Variants in TNS1 observed in about 807,000 individuals in gnomAD.
TNS1 encodes tensin-1.
TNS1 carries 62 observed loss-of-function variants against 168.6 expected under a neutral mutation model. The ratio of observed to expected loss-of-function variants is 0.37; its 90% CI spans 0.30 to 0.45. The LOEUF (loss-of-function observed/expected upper bound fraction) is 0.45, where lower values mean the gene tolerates loss of function less well. Among genes scored for constraint, TNS1 ranks in the 20% least tolerant of loss-of-function variants. The pLI, the probability that TNS1 is intolerant of heterozygous loss-of-function variation, is 1.00. For synonymous variants in TNS1, 934 were observed against 933.2 expected (o/e 1.00, Z -0.02); for missense variants, 2,240 against 2,339.4 (o/e 0.96, Z 0.88).
intron 1 of TNS1, among the ~76,000 whole-genome samples, chr2:218,029,053 G>A (rs1386637655): frequency 2.0e-5 from 3 of 152,316 alleles, no homozygotes; most frequent in African/African-American, 7.2e-5. Flanking sequence ...CAAACAAATA[G>A]AGGGTGCAGC....
At position 217,818,183 on chromosome 2, in the gene TNS1, G is replaced by A; in HGVS notation, c.4149C>T (p.His1383=). ...SPSLGRHPGA[H]QGNLASGLHS... ...GAAGACCGGAGGCCAGGTTGCCTTG[G>A]TGAGCCCCAGGGTGCCGGCCCAGGC... Residue 1383 remains histidine (H), a synonymous_variant, in exon 24 of 33, where the codon CAC becomes CAT. Transcript: ENST00000682258. 1 of 1,613,704 alleles carries A rather than the reference G, an allele frequency of 6.2e-7. No individual in the cohort carries two copies. Among genetic ancestry groups the A allele is most frequent in the Non-Finnish European group, 8.5e-7 (1 of 1,179,886 alleles).
intron 3 of TNS1, among the ~76,000 whole-genome samples, chr2:217,963,826 C>A (rs1957557140): frequency 6.7e-6 from 1 of 149,406 alleles, no homozygotes; most frequent in African/African-American, 2.5e-5. Flanking sequence ...GGAAGATTGC[C>A]TGAGCTCAGG....
chr2:217,836,782 G>A (rs555561975), intron 19 of TNS1, among the ~76,000 whole-genome samples: 22 of 152,236 alleles, frequency 1.4e-4, no homozygotes, highest in South Asian at 4.2e-4. Context: ...CCGGTGTACC[G>A]CTGAACCTCT....
intron 32 of TNS1, among the ~76,000 whole-genome samples, chr2:217,806,238 T>C (rs1574529969): frequency 6.6e-6 from 1 of 152,254 alleles, no homozygotes; most frequent in East Asian, 1.9e-4. Flanking sequence ...AGTCCTGTCA[T>C]CTGCCACAAG....
intron 1 of TNS1, among the ~76,000 whole-genome samples, chr2:218,001,308 A>G (rs1958559224): frequency 6.6e-6 from 1 of 152,110 alleles, no homozygotes; most frequent in African/African-American, 2.4e-5. Context: ...AATTGGATAC[A>G]AAATTTCATC....
chr2:217,940,891 C>G (rs1020359775), intron 3 of TNS1, among the ~76,000 whole-genome samples: 6 of 152,098 alleles, frequency 3.9e-5, no homozygotes, highest in African/African-American at 1.4e-4. Context: ...TTGGCCCCAG[C>G]CCTCTCTGGT....
At chr2:218,021,634 C>T (rs1325040586) in intron 1 of TNS1, among the ~76,000 whole-genome samples, 4 of 152,222 alleles carry the variant, frequency 2.6e-5, no homozygotes, top group Admixed American at 6.5e-5. Flanking sequence ...TCTCTGCCCA[C>T]GTGTTGCCCA....
At chr2:217,946,965 T>TCACACACACA (rs1434475994) in intron 3 of TNS1, among the ~76,000 whole-genome samples, 2 of 130,576 alleles carry the variant, frequency 1.5e-5, no homozygotes, top group African/African-American at 7.5e-5. Context: ...TCTCTCTCTC[T>TCACACACACA]CTCTCACACA....
At chr2:218,003,196 C>A (rs1574477395), upstream of TNS1, among the ~76,000 whole-genome samples, 1 of 150,790 alleles carries the variant, frequency 6.6e-6, no homozygotes, top group Admixed American at 6.6e-5. Context: ...CCCCCCCAGG[C>A]CGTGCCCCCC....
At chr2:217,885,671 G>A in intron 15 of TNS1, 73 bp downstream of exon 15, 1 of 1,492,116 alleles carries the variant, frequency 6.7e-7, no homozygotes, top group Non-Finnish European at 9.3e-7. Flanking sequence ...GTCCCAAGAG[G>A]CAGGAAAGGA....
In TNS1 at chr2:217,890,921, G is replaced by T. The variant is rs188389955; in HGVS notation, c.866+41C>A. 5 of 1,592,318 alleles carry T rather than the reference G, an allele frequency of 3.1e-6. No individual in the cohort carries two copies. The African/African-American group carries it at 5.4e-5, about 17-fold the overall frequency. On this transcript the variant is annotated intron_variant, in intron 12 of 32. Coordinates refer to ENST00000682258, the MANE Select transcript of TNS1 (RefSeq NM_001387777.1). ...AGTCTAGTCCCCACATAGAGTGAGT[G>T]CACACATACATGCAAGGGGCTGTGA...
intron 24 of TNS1, among the ~76,000 whole-genome samples, chr2:217,816,348 C>A (rs1243515202): frequency 6.6e-6 from 1 of 152,204 alleles, no homozygotes; most frequent in Non-Finnish European, 1.5e-5. Flanking sequence ...ATGAAAGACA[C>A]TGCAAAGTTA....
At chr2:217,873,143 A>T (rs1949915342) in intron 18 of TNS1, among the ~76,000 whole-genome samples, 1 of 152,176 alleles carries the variant, frequency 6.6e-6, no homozygotes, top group Non-Finnish European at 1.5e-5. Flanking sequence ...ACTAAAACCC[A>T]TTGAATTGTA....
Position 217,847,456 on chromosome 2 carries a change from C to T in TNS1, c.3007+54G>A, listed in dbSNP as rs1440452292. ...TCATGGCTGGACCTGCACCTCCCCC[C>T]AGCAAGACCAAATAAGGAAGGGGTA... On this transcript the variant is annotated intron_variant, in intron 19 of 32. Transcript: ENST00000682258. 4.4e-6 allele frequency: 6 copies of T among 1,373,310 alleles called. No individual in the cohort carries two copies. In the Admixed American group the frequency reaches 1.0e-4, roughly 23 times the overall value. The allele number at this position is 1,373,310 out of a possible 1,614,324, so 85.1% of individuals were successfully genotyped here. A position where few individuals can be genotyped will look rare whatever the true frequency, so the allele number is the denominator to read the frequency against.
At chr2:217,822,485 G>A (rs1034200026) in intron 22 of TNS1, among the ~76,000 whole-genome samples, 1 of 152,138 alleles carries the variant, frequency 6.6e-6, no homozygotes, top group African/African-American at 2.4e-5. Flanking sequence ...AGACTCACCA[G>A]CCCCTTTGAT....
At chr2:217,907,389 T>C in intron 4 of TNS1, 138 bp from the exon 5 acceptor site, 1 of 643,228 alleles carries the variant, frequency 1.6e-6, no homozygotes. Flanking sequence ...GACTCAGGCA[T>C]AATCTGGCTG....
chr2:218,015,437 C>T (rs185627083), intron 1 of TNS1, among the ~76,000 whole-genome samples: 1 of 152,074 alleles, frequency 6.6e-6, no homozygotes, highest in African/African-American at 2.4e-5. Context: ...CTCTTTGTCC[C>T]CTTCACCACT....
At chr2:217,822,132 C>T (rs1942963222) in intron 22 of TNS1, among the ~76,000 whole-genome samples, 194 bp from the exon 23 acceptor site, 1 of 152,138 alleles carries the variant, frequency 6.6e-6, no homozygotes, top group Admixed American at 6.5e-5. Flanking sequence ...CAGGGCCTTG[C>T]TCAGAGGAGG....
At chr2:217,884,703 GA>G (rs138597623) in intron 16 of TNS1, among the ~76,000 whole-genome samples, 5 of 148,852 alleles carry the variant, frequency 3.4e-5, no homozygotes, top group South Asian at 2.1e-4. Flanking sequence ...AGTGAATGTT[GA>G]AAAAAAAAAT....
Sources: allele counts gnomAD v4.1 joint callset (sites outside exome capture counted in the v4.1 genomes callset), GRCh38; gene constraint gnomAD v4.1.1; transcripts MANE v1.5; gene names NCBI Gene and HGNC (gene_info 2026-07-23, HGNC 2026-07-21).